The following ZPBP variants were observed in gnomAD, a reference collection of about 807,000 sequenced individuals.
ZPBP encodes zona pellucida-binding protein 1.
In ZPBP, 26 loss-of-function variants were observed where a neutral mutation model predicts 44.8. That is an observed-to-expected ratio of 0.58 (90% CI 0.43 to 0.81). The LOEUF (loss-of-function observed/expected upper bound fraction) is 0.81, where lower values mean the gene tolerates loss of function less well. ZPBP is among the 30% of genes least tolerant of loss of function. The pLI is 0.00. For synonymous variants in ZPBP, 174 were observed against 153.2 expected, an observed-to-expected ratio of 1.14 and a Z score of -1.00; for missense variants, 409 against 434.0, an observed-to-expected ratio of 0.94 and a Z score of 0.51.
intron 7 of ZPBP, among the ~76,000 whole-genome samples, chr7:49,954,833 A>T (rs193240680): frequency 1.9e-4 from 29 of 152,330 alleles, no homozygotes; most frequent in African/African-American, 7.0e-4. Context: ...ATAAAAAAAC[A>T]GGGATATAGA....
chr7:49,897,079 T>A (rs919050491), intron 2 of ZPBP, among the ~76,000 whole-genome samples: 1 of 151,846 alleles, frequency 6.6e-6, no homozygotes, highest in African/African-American at 2.4e-5. Context: ...GTATTTTTAG[T>A]AGAGACGGGG....
intron 4 of ZPBP, among the ~76,000 whole-genome samples, chr7:50,053,421 A>G (rs1295082064): frequency 6.6e-6 from 1 of 152,192 alleles, no homozygotes; most frequent in Non-Finnish European, 1.5e-5. Context: ...AGAGCCAACA[A>G]TTCGAGTATG....
chr7:49,855,901 G>A (rs772214720), intron 2 of ZPBP, among the ~76,000 whole-genome samples: 25 of 152,188 alleles, frequency 1.6e-4, no homozygotes, highest in Middle Eastern at 3.2e-3. Flanking sequence ...AAGTGGGGAA[G>A]AGAAGGAAGA....
intron 2 of ZPBP, among the ~76,000 whole-genome samples, chr7:50,082,738 G>C (rs556603837): frequency 4.6e-5 from 7 of 151,922 alleles, no homozygotes; most frequent in Non-Finnish European, 1.0e-4. Flanking sequence ...GGTTAAGAAA[G>C]ATCCCCTCTG....
Position 49,970,249 on chromosome 7 carries a change from T to A in ZPBP, c.961+13093A>T, listed in dbSNP as rs573666756. 8.1e-4 allele frequency among the ~76,000 whole-genome samples: 124 copies of A among 152,232 alleles called. 2 individuals are homozygous for A. The Middle Eastern group carries it at 0.01, about 13-fold the overall frequency. ...TCAGTCTCAGCAGTTCTTAAAATAC[T>A]CAAACAGAGAATCAAAATATATGAA... On this transcript the variant is annotated intron_variant, in intron 7 of 7. Transcript: ENST00000046087.
intron 3 of ZPBP, among the ~76,000 whole-genome samples, chr7:50,061,173 T>C (rs1801215836): frequency 6.6e-6 from 1 of 152,054 alleles, no homozygotes; most frequent in Non-Finnish European, 1.5e-5. Flanking sequence ...AACATAATAA[T>C]AGCCATGTGT....
At chr7:50,004,751 G>A (rs894046159) in intron 6 of ZPBP, among the ~76,000 whole-genome samples, 1 of 151,934 alleles carries the variant, frequency 6.6e-6, no homozygotes, top group Non-Finnish European at 1.5e-5. Flanking sequence ...TAGCATCTGT[G>A]GAGGAAAAAG....
chr7:50,006,447 A>C (rs1022297027), intron 6 of ZPBP, among the ~76,000 whole-genome samples: 22 of 152,088 alleles, frequency 1.4e-4, no homozygotes, highest in African/African-American at 5.3e-4. Flanking sequence ...TTTCTAATTT[A>C]ATATGATTAA....
intron 3 of ZPBP, among the ~76,000 whole-genome samples, chr7:50,065,765 T>C (rs1318395017): frequency 6.6e-6 from 1 of 150,984 alleles, no homozygotes; most frequent in East Asian, 1.9e-4. Context: ...CACTGACTGA[T>C]TAAAATGCTT....
chr7:50,066,897 G>T (rs566654447), intron 3 of ZPBP, among the ~76,000 whole-genome samples: 1 of 152,172 alleles, frequency 6.6e-6, no homozygotes, highest in Non-Finnish European at 1.5e-5. Context: ...TCTGGGTCTT[G>T]TTGGCTAATC....
downstream of ZPBP, among the ~76,000 whole-genome samples, chr7:49,849,832 C>A (rs1481692560): frequency 6.6e-6 from 1 of 152,210 alleles, no homozygotes; most frequent in Non-Finnish European, 1.5e-5. Flanking sequence ...TTCTCAGATT[C>A]TAACCTGCGA....
chr7:50,031,370 T>G, intron 4 of ZPBP, 60 bp from the exon 5 acceptor site: 2 of 1,203,578 alleles, frequency 1.7e-6, no homozygotes, highest in South Asian at 1.4e-5. Flanking sequence ...TCAAACATAT[T>G]GCAACTATTT....
intron 2 of ZPBP, among the ~76,000 whole-genome samples, chr7:49,853,157 G>C (rs530411560): frequency 3.3e-5 from 5 of 152,386 alleles, no homozygotes; most frequent in Admixed American, 3.3e-4. Context: ...CAGTCACTGG[G>C]GTGGACTTGG....
chr7:49,868,973 T>TCC (rs1791023610), intron 2 of ZPBP, among the ~76,000 whole-genome samples: 1 of 152,230 alleles, frequency 6.6e-6, no homozygotes, highest in African/African-American at 2.4e-5. Context: ...GTCAAATATA[T>TCC]GTACAATTTT....
rs915080674 is a variant in ZPBP, at chr7:49,893,454, G to A, written n.509+7664C>T. Reference sequence around the variant, plus strand: ...ATAGAGACAAAATTTGATTTTTTTCGTGCTTGTTTTAGTCCCTCTTTAAAA... The same window carrying A: ...ATAGAGACAAAATTTGATTTTTTTCATGCTTGTTTTAGTCCCTCTTTAAAA... On this transcript the variant is annotated intron_variant and non_coding_transcript_variant, in intron 2 of 2. Transcript: ENST00000465922. Among the ~76,000 whole-genome samples, 3 of 152,124 alleles carry A rather than the reference G, an allele frequency of 2.0e-5. No homozygotes were observed. The South Asian group carries it at 6.2e-4, about 32-fold the overall frequency.
At chr7:49,912,136 G>T (rs1270651099) in intron 1 of ZPBP, 1 of 1,614,032 alleles carries the variant, frequency 6.2e-7, no homozygotes, top group Non-Finnish European at 8.5e-7. Flanking sequence ...GGCACATGGA[G>T]AATCGAGCGG....
the ZPBP span, among the ~76,000 whole-genome samples, chr7:49,842,707 C>A: frequency 6.6e-6 from 1 of 152,106 alleles, no homozygotes; most frequent in Non-Finnish European, 1.5e-5. Flanking sequence ...TTGTGCAAGT[C>A]CAATATTAGT....
intron 3 of ZPBP, among the ~76,000 whole-genome samples, chr7:50,066,406 G>A (rs1801505582): frequency 7.2e-6 from 1 of 138,596 alleles, no homozygotes; most frequent in African/African-American, 2.8e-5. Flanking sequence ...TTCCTAACCT[G>A]GTTCCTGTAT....
intron 1 of ZPBP, among the ~76,000 whole-genome samples, chr7:49,909,989 A>T (rs1177700667): frequency 1.3e-5 from 2 of 151,980 alleles, no homozygotes; most frequent in African/African-American, 2.4e-5. Context: ...TGCTCCTCTG[A>T]TCAGAGCTAC....
Sources: gnomAD v4.1 joint callset for allele counts (sites outside exome capture counted in the v4.1 genomes callset) on GRCh38, gnomAD v4.1.1 for gene constraint, MANE v1.5 for transcripts, NCBI Gene and HGNC (gene_info 2026-07-23, HGNC 2026-07-21) for gene names.